OCA2: variants seen among roughly 807,000 people sequenced by gnomAD.
The protein encoded by OCA2 is OCA2 melanosomal transmembrane protein.
OCA2 carries 77 observed loss-of-function variants against 100.2 expected under a neutral mutation model. That is an observed-to-expected ratio of 0.77 (90% CI 0.64 to 0.93). OCA2 has a LOEUF of 0.93. Ranked by LOEUF, OCA2 falls within the 40% of genes least tolerant of loss-of-function variation. OCA2 has a pLI of 0.00. For synonymous variants in OCA2, 432 were observed against 439.2 expected (o/e 0.98, Z 0.21); for missense variants, 1,062 against 1,089.1 (o/e 0.98, Z 0.35).
chr15:27,950,120 G>A (rs539213156), intron 18 of OCA2, among the ~76,000 whole-genome samples: 1 of 152,268 alleles, frequency 6.6e-6, no homozygotes, highest in East Asian at 1.9e-4. Context: ...AAGTATTAAA[G>A]TATTGTTTTT....
At position 27,871,886 on chromosome 15, in the gene OCA2, C is replaced by T. The variant is rs1416576052; in HGVS notation, c.2116G>A (p.Glu706Lys). Reference protein sequence around the residue: ...AHLHLIEYVGEQTALLIKMVP... With the variant: ...AHLHLIEYVGKQTALLIKMVP... ...ACCTTTATTAGCAAAGCAGTTTGTT[C>T]TCCAACATATTCTATTAAGTGGAGA... The change falls in exon 20 of 24, where the codon GAA becomes AAA. Residue 706 changes from glutamate to lysine, a missense_variant. Physicochemically the swap from Glu to Lys is moderately conservative, Grantham distance 56 (BLOSUM62 1). Coordinates refer to ENST00000354638, the MANE Select transcript of OCA2 (RefSeq NM_000275.3). 2 of 1,609,308 alleles carry T rather than the reference C, an allele frequency of 1.2e-6. No homozygotes were observed. Among genetic ancestry groups the T allele is most frequent in the African/African-American group, 1.3e-5 (1 of 74,572 alleles).
chr15:27,719,844 G>T, the OCA2 span, among the ~76,000 whole-genome samples: 1 of 152,156 alleles, frequency 6.6e-6, no homozygotes, highest in Non-Finnish European at 1.5e-5. Flanking sequence ...GCATCATGAT[G>T]TGGCAGGAGG....
intron 9 of OCA2, among the ~76,000 whole-genome samples, chr15:27,998,914 T>G (rs544825928): frequency 6.7e-6 from 1 of 150,310 alleles, no homozygotes; most frequent in Non-Finnish European, 1.5e-5. Context: ...ATGGATGAAA[T>G]TGGAAATCAT....
chr15:27,845,339 T>G (rs567767184), intron 22 of OCA2, among the ~76,000 whole-genome samples: 1 of 152,276 alleles, frequency 6.6e-6, no homozygotes, highest in Non-Finnish European at 1.5e-5. Flanking sequence ...TGGGGCTGTG[T>G]GTCTTTCAGA....
chr15:27,911,046 A>C (rs1337572497), intron 19 of OCA2, among the ~76,000 whole-genome samples: 1 of 152,242 alleles, frequency 6.6e-6, no homozygotes, highest in Non-Finnish European at 1.5e-5. Flanking sequence ...TAAGGTAGAA[A>C]GATGAGCAAA....
intron 19 of OCA2, among the ~76,000 whole-genome samples, chr15:27,913,818 GAAAGAAAGAAAGAAAGA>G (rs1427294921): frequency 3.5e-5 from 2 of 57,084 alleles, no homozygotes; most frequent in Non-Finnish European, 6.7e-5. Flanking sequence ...AAAAAAAAGA[GAAAGAAAGAAAGAAAGA>G]AAGGAAAGAA....
chr15:28,022,698 G>A (rs1027095642), intron 5 of OCA2, 125 bp from the exon 6 acceptor site: 96 of 728,842 alleles, frequency 1.3e-4, no homozygotes, highest in Middle Eastern at 2.3e-4. Flanking sequence ...GTACGCGCCA[G>A]CTTACTCTGA....
rs564319436 is a variant in OCA2, at chr15:27,978,862, C to T, written c.1503+4483G>A. Among the ~76,000 whole-genome samples, 11 of 152,070 alleles carry T rather than the reference C, an allele frequency of 7.2e-5. 1 individual carries two copies. In the South Asian group the frequency reaches 2.3e-3, roughly 32 times the overall value. ...CACCATGCCCGGCTAATATTTTGTA[C>T]TTTTAGTAGAGACGGGGTTTCACCA... On this transcript the variant is annotated intron_variant, in intron 14 of 23. Transcript: ENST00000354638.
chr15:27,870,812 G>GAAAGAA (rs375097418), intron 21 of OCA2, among the ~76,000 whole-genome samples: 28 of 146,612 alleles, frequency 1.9e-4, no homozygotes, highest in Admixed American at 1.0e-3. Context: ...AAGAAAGAAA[G>GAAAGAA]AGAGAGAGAA....
At chr15:27,754,545 G>T (rs2030195565), downstream of OCA2, among the ~76,000 whole-genome samples, 1 of 152,100 alleles carries the variant, frequency 6.6e-6, no homozygotes, top group South Asian at 2.1e-4. Context: ...GCTCCCCCTT[G>T]GTCTTTGTTC....
rs141013919 is a variant in OCA2 at position 27,955,297 on chromosome 15, G to A, written c.1785-82C>T. On this transcript the variant is annotated intron_variant, in intron 16 of 23. Coordinates refer to ENST00000354638, the MANE Select transcript of OCA2 (RefSeq NM_000275.3). ...GCGGAGCAGCAGTCCCCAGCGCTTC[G>A]TGCCTGGACGCGGTCTGTGACTTGG... 6.6e-4 allele frequency: 660 copies of A among 1,000,730 alleles called. 4 individuals are homozygous for A. Among genetic ancestry groups the A allele is most frequent in the African/African-American group, 5.2e-3 (330 of 62,976 alleles). 62.0% of individuals were successfully genotyped at this position (1,000,730 alleles called of 1,614,324 possible). A position where few individuals can be genotyped will look rare whatever the true frequency, so the allele number is the denominator to read the frequency against.
intron 23 of OCA2, among the ~76,000 whole-genome samples, chr15:27,786,315 GA>G (rs1328683247): frequency 1.3e-5 from 2 of 152,108 alleles, no homozygotes; most frequent in Non-Finnish European, 2.9e-5. Context: ...TTCTGAGGGG[GA>G]AAAAGCCTAC....
At chr15:27,730,732 A>AATATATATAT in the OCA2 span, among the ~76,000 whole-genome samples, 59 of 101,960 alleles carry the variant, frequency 5.8e-4, no homozygotes, top group Admixed American at 1.9e-3. Flanking sequence ...AAAAAGACCA[A>AATATATATAT]ATATATATAT....
At chr15:27,867,750 G>A (rs921265757) in intron 21 of OCA2, among the ~76,000 whole-genome samples, 6 of 152,188 alleles carry the variant, frequency 3.9e-5, no homozygotes, top group African/African-American at 9.6e-5. Context: ...ACAACACAAC[G>A]ACATGCTTAT....
the OCA2 span, among the ~76,000 whole-genome samples, chr15:27,721,833 A>G: frequency 6.6e-6 from 1 of 152,178 alleles, no homozygotes; most frequent in Non-Finnish European, 1.5e-5. Context: ...ATTTTCATCA[A>G]AAAGGTAATG....
chr15:27,930,474 T>G (rs1262477215), intron 18 of OCA2, among the ~76,000 whole-genome samples: 4 of 151,840 alleles, frequency 2.6e-5, no homozygotes, highest in African/African-American at 9.7e-5. Context: ...ATGGGTCAAA[T>G]CTGACCCCCT....
At chr15:27,961,452 T>C (rs1019285468) in intron 15 of OCA2, among the ~76,000 whole-genome samples, 16 of 152,230 alleles carry the variant, frequency 1.1e-4, no homozygotes, top group Admixed American at 9.2e-4. Flanking sequence ...TTACTGGGTA[T>C]ATAACCAAAG....
intron 9 of OCA2, among the ~76,000 whole-genome samples, chr15:28,007,433 C>T (rs918777494): frequency 6.6e-6 from 1 of 152,142 alleles, no homozygotes; most frequent in African/African-American, 2.4e-5. Context: ...TCAACAAGAA[C>T]TACTTTACAA....
At chr15:27,757,674 A>T (rs1458929936) in intron 23 of OCA2, among the ~76,000 whole-genome samples, 1 of 152,264 alleles carries the variant, frequency 6.6e-6, no homozygotes, top group Non-Finnish European at 1.5e-5. Context: ...TATAAAATGA[A>T]GGTAATAACA....
Sources: allele counts gnomAD v4.1 joint callset (sites outside exome capture counted in the v4.1 genomes callset), GRCh38; gene constraint gnomAD v4.1.1; transcripts MANE v1.5; gene names NCBI Gene and HGNC (gene_info 2026-07-23, HGNC 2026-07-21).